Variants in KIAA0319L observed in about 807,000 individuals in gnomAD.
KIAA0319L encodes dyslexia-associated protein KIAA0319-like protein.
In KIAA0319L, 55 loss-of-function variants were observed where a neutral mutation model predicts 120.1. The ratio of observed to expected loss-of-function variants is 0.46; its 90% CI spans 0.37 to 0.57. The LOEUF is 0.57. KIAA0319L is among the 20% of genes least tolerant of loss of function. The pLI is 0.00. For missense variants in KIAA0319L, 1,049 were observed against 1,255.3 expected (o/e 0.84, Z 2.48); for synonymous variants, 398 against 471.9 (o/e 0.84, Z 2.03).
At chr1:35,522,718 T>G (rs773591415) in intron 2 of KIAA0319L, among the ~76,000 whole-genome samples, 100 of 152,030 alleles carry the variant, frequency 6.6e-4, no homozygotes, top group Non-Finnish European at 1.1e-3. Flanking sequence ...TTAACATAAC[T>G]TAAAAAGATC....
intron 2 of KIAA0319L, among the ~76,000 whole-genome samples, chr1:35,527,622 A>G (rs1159808043): frequency 6.6e-6 from 1 of 151,844 alleles, no homozygotes; most frequent in African/African-American, 2.4e-5. Context: ...TCCTTATTCA[A>G]TCTTGGTAGG....
chr1:35,460,099 T>C (rs1253569267), intron 9 of KIAA0319L, among the ~76,000 whole-genome samples: 1 of 152,234 alleles, frequency 6.6e-6, no homozygotes, highest in East Asian at 1.9e-4. Context: ...CCTGATCTAC[T>C]ATACAAGAAC....
intron 2 of KIAA0319L, among the ~76,000 whole-genome samples, chr1:35,534,858 C>CAAAAAAAAAA (rs779838672): frequency 1.4e-4 from 6 of 42,618 alleles, no homozygotes; most frequent in Non-Finnish European, 2.2e-4. Context: ...GACTCCGTCT[C>CAAAAAAAAAA]AAAAAAAAAA....
chr1:35,526,345 A>ATG (rs1646129191), intron 2 of KIAA0319L, among the ~76,000 whole-genome samples: 1 of 144,892 alleles, frequency 6.9e-6, no homozygotes, highest in Non-Finnish European at 1.5e-5. Flanking sequence ...GTATATATGT[A>ATG]CGTGTGTGTG....
At chr1:35,527,689 T>C (rs1646203752) in intron 2 of KIAA0319L, among the ~76,000 whole-genome samples, 1 of 152,182 alleles carries the variant, frequency 6.6e-6, no homozygotes, top group Non-Finnish European at 1.5e-5. Flanking sequence ...TGTTCATGTA[T>C]AGTTCATGTT....
chr1:35,435,210 G>T, intron 20 of KIAA0319L, 129 bp from the exon 21 acceptor site: 1 of 815,962 alleles, frequency 1.2e-6, no homozygotes, highest in Non-Finnish European at 2.0e-6. Context: ...GCTGGGAGGT[G>T]CAGATGGGAA....
intron 2 of KIAA0319L, among the ~76,000 whole-genome samples, chr1:35,538,055 A>G (rs981760789): frequency 6.6e-6 from 1 of 152,188 alleles, no homozygotes; most frequent in African/African-American, 2.4e-5. Context: ...AACAGGGTTC[A>G]GCTATTCTCT....
At chr1:35,471,038 CA>C in intron 5 of KIAA0319L, 78 bp from the exon 6 acceptor site, 1 of 842,762 alleles carries the variant, frequency 1.2e-6, no homozygotes, top group Admixed American at 1.7e-5. Flanking sequence ...CTGCCAATAA[CA>C]AATCTCTTCT....
intron 2 of KIAA0319L, among the ~76,000 whole-genome samples, chr1:35,552,540 A>C (rs1454514107): frequency 2.0e-5 from 3 of 152,210 alleles, no homozygotes; most frequent in African/African-American, 7.2e-5. Flanking sequence ...AATGAGAAGA[A>C]AACTATCTAT....
chr1:35,447,670 C>T (rs1641733163), intron 16 of KIAA0319L, among the ~76,000 whole-genome samples: 1 of 151,372 alleles, frequency 6.6e-6, no homozygotes, highest in Non-Finnish European at 1.5e-5. Context: ...CCCCTGGGCT[C>T]AAGTAATTCT....
intron 2 of KIAA0319L, among the ~76,000 whole-genome samples, chr1:35,522,114 T>C (rs1050471666): frequency 6.6e-6 from 1 of 152,156 alleles, no homozygotes; most frequent in Non-Finnish European, 1.5e-5. Context: ...CAGAGCAGTA[T>C]GTATAGCATG....
chr1:35,448,423 G>T, intron 15 of KIAA0319L, 91 bp from the exon 16 acceptor site: 1 of 1,187,562 alleles, frequency 8.4e-7, no homozygotes, highest in East Asian at 2.4e-5. Flanking sequence ...AGGAGAGAAA[G>T]GAGTGAGAAC....
Position 35,528,904 on chromosome 1 carries a change from A to T in KIAA0319L, c.143-21769T>A, listed in dbSNP as rs1445181431. Among the ~76,000 whole-genome samples, 3 of 152,168 alleles carry T rather than the reference A, an allele frequency of 2.0e-5. No homozygotes were observed. In the East Asian group the frequency reaches 5.8e-4, roughly 29 times the overall value. ...TTTGACTTAAAGTCTGTTTTACCTG[A>T]TACAAGTAAAGCTATTCCTGCTCAC... On this transcript the variant is annotated intron_variant, in intron 2 of 20. Transcript: ENST00000325722.
intron 2 of KIAA0319L, 92 bp downstream of exon 2, chr1:35,554,258 G>A: frequency 1.1e-6 from 1 of 901,058 alleles, no homozygotes; most frequent in South Asian, 3.2e-5. Context: ...TGTTTTTTCT[G>A]CCTCCTAATA....
At chr1:35,503,937 G>A (rs894647786) in intron 3 of KIAA0319L, among the ~76,000 whole-genome samples, 1 of 150,244 alleles carries the variant, frequency 6.7e-6, no homozygotes, top group African/African-American at 2.5e-5. Flanking sequence ...CCAGGCTGGA[G>A]TGCAGTGGTG....
chr1:35,525,622 A>T (rs1051145039), intron 2 of KIAA0319L, among the ~76,000 whole-genome samples: 1 of 152,040 alleles, frequency 6.6e-6, no homozygotes, highest in Non-Finnish European at 1.5e-5. Context: ...ATTTTTTCAC[A>T]TATCTGTTAA....
At chr1:35,460,516 A>C (rs1316205076) in intron 8 of KIAA0319L, 79 bp from the exon 9 acceptor site, 2 of 1,283,210 alleles carry the variant, frequency 1.6e-6, no homozygotes, top group Non-Finnish European at 2.2e-6. Flanking sequence ...AACCAGGACA[A>C]CTACCCAGAG....
intron 2 of KIAA0319L, among the ~76,000 whole-genome samples, chr1:35,539,130 C>T (rs1646696511): frequency 2.0e-5 from 3 of 152,170 alleles, no homozygotes; most frequent in South Asian, 2.1e-4. Context: ...ACATATCGTA[C>T]ACATACGGCC....
intron 4 of KIAA0319L, among the ~76,000 whole-genome samples, chr1:35,478,276 T>C (rs1282662641): frequency 1.8e-5 from 2 of 109,444 alleles, no homozygotes; most frequent in Non-Finnish European, 3.6e-5. Context: ...AGTGTGGGGG[T>C]AAGAGGGAGG....
Sources: gnomAD v4.1 joint callset for allele counts (sites outside exome capture counted in the v4.1 genomes callset) on GRCh38, gnomAD v4.1.1 for gene constraint, MANE v1.5 for transcripts, NCBI Gene and HGNC (gene_info 2026-07-23, HGNC 2026-07-21) for gene names.